Variants in ZNF566 observed in about 807,000 individuals in gnomAD.
ZNF566 encodes the protein zinc finger protein 566.
A neutral mutation model predicts 32.8 loss-of-function variants in ZNF566; 27 were observed. That is an observed-to-expected ratio of 0.82 (90% CI 0.61 to 1.14). The LOEUF (loss-of-function observed/expected upper bound fraction) is 1.14. Among genes scored for constraint, ZNF566 ranks in the 50% most tolerant of loss-of-function variants. The pLI, the probability that ZNF566 is intolerant of heterozygous loss-of-function variation, is 0.00. For synonymous variants in ZNF566, 154 were observed against 159.5 expected (o/e 0.97, Z 0.26); for missense variants, 402 against 490.4 (o/e 0.82, Z 1.70).
intron 4 of ZNF566, among the ~76,000 whole-genome samples, chr19:36,461,726 T>C (rs1164882825): frequency 6.6e-6 from 1 of 152,074 alleles, no homozygotes; most frequent in Non-Finnish European, 1.5e-5. Flanking sequence ...TGGAGATGGT[T>C]CATATTTTGT....
rs1176909709 is a variant in ZNF566 at position 36,446,446 on chromosome 19, A to G, written c.*2531T>C. 2 of 152,052 alleles carry G rather than the reference A, an allele frequency of 1.3e-5. No individual in the cohort carries two copies. Among genetic ancestry groups the G allele is most frequent in the Admixed American group, 6.6e-5 (1 of 15,252 alleles). The allele number at this position is 152,052 out of a possible 1,614,324, so 9.4% of individuals were successfully genotyped here. A position where few individuals can be genotyped will look rare whatever the true frequency, so the allele number is the denominator to read the frequency against. ...GCCACCACGCCCAGCTAATTTTTGT[A>G]TTTTTAGTAGAGATGGGGTTTCACT... On this transcript the variant is annotated 3_prime_UTR_variant, in exon 5 of 5. Coordinates refer to ENST00000452939, the MANE Select transcript of ZNF566 (RefSeq NM_001145344.1).
chr19:36,477,587 G>A (rs942604644), intron 1 of ZNF566, among the ~76,000 whole-genome samples: 15 of 136,206 alleles, frequency 1.1e-4, no homozygotes, highest in African/African-American at 4.2e-4. Context: ...CGCCCAGGCT[G>A]GAGTGCAATG....
chr19:36,480,489 TG>T (rs2034000315), intron 1 of ZNF566, among the ~76,000 whole-genome samples: 1 of 151,092 alleles, frequency 6.6e-6, no homozygotes, highest in Admixed American at 6.6e-5. Flanking sequence ...TTCACCATGT[TG>T]GCCAGGCTGG....
At chr19:36,462,532 T>C (rs1339080076) in intron 4 of ZNF566, among the ~76,000 whole-genome samples, 2 of 152,014 alleles carry the variant, frequency 1.3e-5, no homozygotes, top group African/African-American at 2.4e-5. Flanking sequence ...AAAAGAAGGT[T>C]CCTATTCCTT....
rs1568510855 is a variant in ZNF566, at chr19:36,453,492, TA to T, written c.233-3492del. On this transcript the variant is annotated intron_variant, in intron 4 of 4. Transcript: ENST00000452939. ...TATCTCAAATAAATAAATAAATAAA[TA>T]AATAAATAAATAAATTAATTAATTA... Among the ~76,000 whole-genome samples, 606 of 116,632 alleles carry T rather than the reference TA, an allele frequency of 5.2e-3. 4 individuals carry two copies. Among genetic ancestry groups the T allele is most frequent in the African/African-American group, 0.018 (570 of 30,998 alleles). The allele number at this position is 116,632 out of a possible 152,430, so 76.5% of individuals were successfully genotyped here. A position where few individuals can be genotyped will look rare whatever the true frequency, so the allele number is the denominator to read the frequency against.
intron 2 of ZNF566, among the ~76,000 whole-genome samples, chr19:36,475,687 A>G (rs1458023688): frequency 3.9e-5 from 6 of 152,158 alleles, no homozygotes; most frequent in Non-Finnish European, 7.3e-5. Context: ...GTAAACCAGC[A>G]TGTAAACATT....
chr19:36,489,227 GCA>G (rs1273257128), intron 1 of ZNF566, among the ~76,000 whole-genome samples: 1 of 152,100 alleles, frequency 6.6e-6, no homozygotes, highest in East Asian at 1.9e-4. Context: ...CCCCACAGCC[GCA>G]CACACAATGC....
At chr19:36,482,721 AAGC>A (rs1457587449) in intron 1 of ZNF566, among the ~76,000 whole-genome samples, 1 of 152,202 alleles carries the variant, frequency 6.6e-6, no homozygotes, top group Non-Finnish European at 1.5e-5. Context: ...TGATTCTGAG[AAGC>A]AGGTTTCTCT....
chr19:36,472,785 AT>A (rs1485712554), intron 4 of ZNF566, 125 bp downstream of exon 4: 1 of 690,224 alleles, frequency 1.4e-6, no homozygotes, highest in East Asian at 2.6e-5. Context: ...TTGAAAGCTC[AT>A]GTAGAAAAGG....
chr19:36,480,048 G>A (rs954383375), intron 1 of ZNF566, among the ~76,000 whole-genome samples: 2 of 151,972 alleles, frequency 1.3e-5, no homozygotes, highest in Admixed American at 1.3e-4. Flanking sequence ...GCTTTGGGGG[G>A]AATAAGGTAA....
intron 4 of ZNF566, among the ~76,000 whole-genome samples, chr19:36,472,243 A>T (rs1380842059): frequency 6.6e-6 from 1 of 152,126 alleles, no homozygotes; most frequent in African/African-American, 2.4e-5. Context: ...AAAGTCAATG[A>T]TGCTTACACC....
chr19:36,488,895 C>T (rs1253012916), intron 1 of ZNF566, among the ~76,000 whole-genome samples: 1 of 152,166 alleles, frequency 6.6e-6, no homozygotes, highest in Non-Finnish European at 1.5e-5. Context: ...CCTGATCACA[C>T]TCCCACCATG....
intron 4 of ZNF566, among the ~76,000 whole-genome samples, chr19:36,450,544 C>T (rs1350045455): frequency 2.0e-5 from 3 of 151,842 alleles, no homozygotes; most frequent in African/African-American, 4.8e-5. Flanking sequence ...CTGGGGAGGC[C>T]GAGGCACGAG....
chr19:36,466,975 A>G (rs1228096024), intron 4 of ZNF566, among the ~76,000 whole-genome samples: 1 of 150,506 alleles, frequency 6.6e-6, no homozygotes, highest in African/African-American at 2.5e-5. Context: ...AGGCTGAGGT[A>G]GGAGAATGGT....
At chr19:36,475,569 A>C (rs2033864306) in intron 2 of ZNF566, among the ~76,000 whole-genome samples, 1 of 152,154 alleles carries the variant, frequency 6.6e-6, no homozygotes. Context: ...CATCCCATCA[A>C]ATCACTGTCC....
At chr19:36,458,718 A>G (rs1437320883) in intron 4 of ZNF566, among the ~76,000 whole-genome samples, 2 of 152,184 alleles carry the variant, frequency 1.3e-5, no homozygotes, top group African/African-American at 2.4e-5. Context: ...GTAGATCTTA[A>G]TGTTCTTACC....
rs1268006976 is a variant in ZNF566 at position 36,449,652 on chromosome 19, G to A, written c.582C>T (p.Thr194=). ...CCTTACATTCATAAGGCTTCTCAAT[G>A]GTATGAATTATCTCATGTGTAGCAA... ...SQFATHEIIH[T]IEKPYECKEC... The change falls in exon 5 of 5, where the codon ACC becomes ACT. Residue 194 remains threonine (T), a synonymous_variant. Coordinates refer to ENST00000452939, the MANE Select transcript of ZNF566 (RefSeq NM_001145344.1). 1 of 1,613,942 alleles carries A rather than the reference G, an allele frequency of 6.2e-7. No homozygotes were observed. The highest frequency in any genetic ancestry group is 8.5e-7 in the Non-Finnish European group (1 of 1,180,002).
At chr19:36,468,150 A>C (rs1434555947) in intron 4 of ZNF566, among the ~76,000 whole-genome samples, 1 of 146,504 alleles carries the variant, frequency 6.8e-6, no homozygotes, top group Non-Finnish European at 1.5e-5. Flanking sequence ...GTGTCATTGC[A>C]CTCCAGCCTG....
intron 1 of ZNF566, among the ~76,000 whole-genome samples, chr19:36,479,470 T>C (rs1054534449): frequency 6.6e-6 from 1 of 152,176 alleles, no homozygotes; most frequent in African/African-American, 2.4e-5. Context: ...GTAAATACTA[T>C]TCACAGTTTC....
Sources: allele counts gnomAD v4.1 joint callset (sites outside exome capture counted in the v4.1 genomes callset), GRCh38; gene constraint gnomAD v4.1.1; transcripts MANE v1.5; gene names NCBI Gene and HGNC (gene_info 2026-07-23, HGNC 2026-07-21).